Variants in NEDD9 observed in about 807,000 individuals in gnomAD.
The protein encoded by NEDD9 is enhancer of filamentation 1.
A neutral mutation model predicts 76.6 loss-of-function variants in NEDD9; 26 were observed. The observed-to-expected ratio is 0.34, with a 90% confidence interval of 0.25 to 0.47. NEDD9 has a LOEUF of 0.47. NEDD9 is among the 20% of genes least tolerant of loss of function. NEDD9 has a pLI of 1.00. For missense variants in NEDD9, 937 were observed against 1,058.5 expected (o/e 0.89, Z 1.59); for synonymous variants, 392 against 414.2 (o/e 0.95, Z 0.65).
chr6:11,309,941 A>G (rs1238085676), intron 2 of NEDD9, among the ~76,000 whole-genome samples: 2 of 152,220 alleles, frequency 1.3e-5, no homozygotes, highest in African/African-American at 4.8e-5. Context: ...AGATGTAAAC[A>G]GAGTCACTCC....
At chr6:11,246,907 C>T (rs1370219416) in intron 3 of NEDD9, among the ~76,000 whole-genome samples, 1 of 152,106 alleles carries the variant, frequency 6.6e-6, no homozygotes, top group Non-Finnish European at 1.5e-5. Flanking sequence ...GAATGAACGA[C>T]ATGTGACTGT....
At chr6:11,356,901 A>C (rs1019591297) in intron 1 of NEDD9, among the ~76,000 whole-genome samples, 3 of 152,150 alleles carry the variant, frequency 2.0e-5, no homozygotes, top group African/African-American at 7.2e-5. Flanking sequence ...GTATCTAAGG[A>C]ATATTGTCTC....
chr6:11,265,853 TA>T (rs1327052535), intron 3 of NEDD9, among the ~76,000 whole-genome samples: 1 of 152,106 alleles, frequency 6.6e-6, no homozygotes, highest in Non-Finnish European at 1.5e-5. Flanking sequence ...TCTTCAGCCA[TA>T]AAAAAGAATA....
intron 1 of NEDD9, among the ~76,000 whole-genome samples, chr6:11,363,258 A>G (rs954420311): frequency 1.3e-5 from 2 of 152,352 alleles, no homozygotes; most frequent in Middle Eastern, 3.4e-3. Flanking sequence ...AGGTAATCCC[A>G]TGATTAAAGA....
In NEDD9 at chr6:11,252,825, T is replaced by C. The variant is rs1169226885; in HGVS notation, c.13-39098A>G. Among the ~76,000 whole-genome samples the C allele has an allele frequency of 6.6e-6, 1 of 152,156 alleles. No homozygotes were observed. Among genetic ancestry groups the C allele is most frequent in the Non-Finnish European group, 1.5e-5 (1 of 68,036 alleles). ...GGCCTAACTATTCTAAGAAAATACA[T>C]ACTTTACATATTCTAAAAATAAATA... On this transcript the variant is annotated intron_variant, in intron 3 of 3. Coordinates refer to the NEDD9 transcript ENST00000397378. The surrounding 1 kb of genome is among the most constrained non-coding windows in gnomAD (Gnocchi z 4.3).
chr6:11,189,892 C>G, intron 5 of NEDD9, 72 bp downstream of exon 5: 4 of 1,482,706 alleles, frequency 2.7e-6, no homozygotes, highest in South Asian at 1.4e-5. Flanking sequence ...AACCCGACAT[C>G]CTTATAGGCA....
chr6:11,343,385 C>A (rs567468544), intron 1 of NEDD9, among the ~76,000 whole-genome samples: 2 of 151,606 alleles, frequency 1.3e-5, no homozygotes, highest in African/African-American at 4.8e-5. Flanking sequence ...GTGGAGATGG[C>A]GCCACTGCAC....
chr6:11,305,140 T>C, intron 3 of NEDD9: 1 of 1,289,234 alleles, frequency 7.8e-7, no homozygotes, highest in Non-Finnish European at 1.0e-6. Flanking sequence ...TTTATTTGTG[T>C]GCAGTTGATG....
At chr6:11,257,933 A>C (rs1005342168) in intron 3 of NEDD9, among the ~76,000 whole-genome samples, 4 of 152,024 alleles carry the variant, frequency 2.6e-5, no homozygotes, top group African/African-American at 9.7e-5. Flanking sequence ...TTTGAAACTG[A>C]CTCTGAAGTT....
At chr6:11,210,269 A>C (rs1435141964) in intron 2 of NEDD9, among the ~76,000 whole-genome samples, 2 of 152,174 alleles carry the variant, frequency 1.3e-5, no homozygotes, top group Non-Finnish European at 2.9e-5. Flanking sequence ...TCTGCATTTA[A>C]ACTCACTGCC....
At chr6:11,331,083 T>TCAAAC (rs546465010) in intron 2 of NEDD9, among the ~76,000 whole-genome samples, 11 of 152,202 alleles carry the variant, frequency 7.2e-5, no homozygotes, top group African/African-American at 1.7e-4. Flanking sequence ...CTGAAACAAA[T>TCAAAC]CAAACCAAAC....
In NEDD9 at chr6:11,253,339, G is replaced by A. The variant is rs190271156; in HGVS notation, c.13-39612C>T. Among the ~76,000 whole-genome samples, 5 of 152,276 alleles carry A rather than the reference G, an allele frequency of 3.3e-5. No individual in the cohort carries two copies. In the South Asian group the frequency reaches 8.3e-4, roughly 25 times the overall value. On this transcript the variant is annotated intron_variant, in intron 3 of 3. Transcript: ENST00000397378. ...ATCTGGCCTCCTCCATTGAGGTTGC[G>A]GGGAGTAAGTGTACTGTAGCAGTTA... is the stretch of plus-strand genomic sequence containing the variant.
intron 1 of NEDD9, among the ~76,000 whole-genome samples, chr6:11,217,977 A>G (rs1367890412): frequency 6.6e-6 from 1 of 152,190 alleles, no homozygotes; most frequent in African/African-American, 2.4e-5. Context: ...CTGGAGACTA[A>G]ATCTTTTTCC....
chr6:11,310,397 T>G (rs767112934), intron 2 of NEDD9, among the ~76,000 whole-genome samples: 2 of 152,204 alleles, frequency 1.3e-5, no homozygotes, highest in South Asian at 4.1e-4. Context: ...GTTTGTCCTT[T>G]TAATGCATTG....
chr6:11,329,359 G>T (rs1362535759), intron 2 of NEDD9, among the ~76,000 whole-genome samples: 1 of 152,128 alleles, frequency 6.6e-6, no homozygotes, highest in Non-Finnish European at 1.5e-5. Flanking sequence ...GAAGCCCGGG[G>T]CAACTCCTTC....
In NEDD9 at chr6:11,191,170, T is replaced by G; in HGVS notation, c.699A>C (p.Glu233Asp). ...YAIPPSACRD[E>D]AGLREKDYDF... Reference sequence around the variant, plus strand: ...CATAGTCTTTTTCCCTAAGCCCTGCTTCATCCCGGCAAGCAGAGGGCGGAA... The same window carrying G: ...CATAGTCTTTTTCCCTAAGCCCTGCGTCATCCCGGCAAGCAGAGGGCGGAA... Residue 233 changes from glutamate to aspartate, a missense_variant, in exon 5 of 7, where the codon GAA (glutamate) becomes GAC (aspartate). By Grantham distance (45) the Glu-to-Asp change is conservative. Coordinates refer to ENST00000379446, the MANE Select transcript of NEDD9 (RefSeq NM_006403.4). 6.2e-7 allele frequency: 1 copy of G among 1,610,916 alleles called. No homozygotes were observed. Among genetic ancestry groups the G allele is most frequent in the Non-Finnish European group, 8.5e-7 (1 of 1,178,502 alleles).
chr6:11,343,217 C>T (rs898139103), intron 1 of NEDD9, among the ~76,000 whole-genome samples: 2 of 152,028 alleles, frequency 1.3e-5, no homozygotes, highest in Non-Finnish European at 2.9e-5. Context: ...ATCATGAGGT[C>T]AGGAGTTCGA....
At chr6:11,373,600 C>T (rs1762919286) in intron 1 of NEDD9, among the ~76,000 whole-genome samples, 1 of 152,210 alleles carries the variant, frequency 6.6e-6, no homozygotes, top group Non-Finnish European at 1.5e-5. Context: ...TCCCCAGCAC[C>T]TAATATGGTG....
chr6:11,190,201 G>A lies in NEDD9; in HGVS notation c.1668C>T (p.Leu556=). The part of the protein sequence containing the change: ...TTTINTNAEA[L]FRPGPGSLHL... Reference sequence around the variant, plus strand: ...GCAAGCTGCCAGGGCCGGGTCTGAAGAGGGCCTCTGCGTTGGTGTTGATGG... The same window carrying A: ...GCAAGCTGCCAGGGCCGGGTCTGAAAAGGGCCTCTGCGTTGGTGTTGATGG... The change falls in exon 5 of 7, where the codon CTC becomes CTT. Residue 556 remains leucine (L), a synonymous_variant. Transcript: ENST00000379446. The surrounding 1 kb of genome is among the most constrained non-coding windows in gnomAD (Gnocchi z 5.8). The A allele has an allele frequency of 3.7e-6, 6 of 1,614,232 alleles. No homozygotes were observed. Among genetic ancestry groups the A allele is most frequent in the Non-Finnish European group, 5.1e-6 (6 of 1,180,044 alleles).
Sources: allele counts gnomAD v4.1 joint callset (sites outside exome capture counted in the v4.1 genomes callset), GRCh38; gene constraint gnomAD v4.1.1; non-coding constraint Gnocchi (gnomAD v3.1); transcripts MANE v1.5; gene names NCBI Gene and HGNC (gene_info 2026-07-23, HGNC 2026-07-21).